CDKN2B-AS1: variants seen among roughly 807,000 people sequenced by gnomAD.
The protein encoded by CDKN2B-AS1 is CDKN2B and CDKN2A antisense cis and trans regulatory RNA 1.
At position 21,997,118 on chromosome 9, in the gene CDKN2B-AS1, G is replaced by A. The variant is rs1304499524; in HGVS notation, n.29+1957G>A. ...GCAAACATCATATACAAACCTAGGT[G>A]GTATAGTCTATTATACATCTAGGCT... On this transcript the variant is annotated intron_variant and non_coding_transcript_variant, in intron 1 of 4. Transcript: ENST00000650946. The surrounding 1 kb of genome is among the most constrained non-coding windows in gnomAD (Gnocchi z 4.8). Among the ~76,000 whole-genome samples, 2 of 151,548 alleles carry A rather than the reference G, an allele frequency of 1.3e-5. No individual in the cohort carries two copies. Among genetic ancestry groups the A allele is most frequent in the Non-Finnish European group, 3.0e-5 (2 of 67,716 alleles).
chr9:22,012,424 C>T (rs1357974693), intron 1 of CDKN2B-AS1: 3 of 741,382 alleles, frequency 4.0e-6, no homozygotes, highest in Non-Finnish European at 7.4e-6. Context: ...AGAAATACAG[C>T]TGAAACAAGA....
At chr9:22,015,145 A>T (rs1025608106) in intron 1 of CDKN2B-AS1, among the ~76,000 whole-genome samples, 4 of 152,136 alleles carry the variant, frequency 2.6e-5, no homozygotes, top group African/African-American at 9.7e-5. Flanking sequence ...TGGCTGGGTC[A>T]AATGGTATTT....
rs1310085847 is a variant in CDKN2B-AS1 at position 21,999,071 on chromosome 9, C to A, written n.29+3910C>A. Among the ~76,000 whole-genome samples, 2 of 151,858 alleles carry A rather than the reference C, an allele frequency of 1.3e-5. No homozygotes were observed. Among genetic ancestry groups the A allele is most frequent in the Admixed American group, 6.6e-5 (1 of 15,232 alleles). On this transcript the variant is annotated intron_variant and non_coding_transcript_variant, in intron 1 of 4. Coordinates refer to ENST00000650946, the Ensembl canonical transcript of CDKN2B-AS1. This position sits in a 1 kb window ranked among gnomAD's most constrained non-coding sequence, Gnocchi z 4.7. ...ACTCATTAATAAATGTAAACAGAAA[C>A]AATGGCATATAACCACAAGTGTGGC...
intron 4 of CDKN2B-AS1, among the ~76,000 whole-genome samples, chr9:22,062,327 A>G (rs1823854978): frequency 2.0e-5 from 3 of 152,240 alleles, no homozygotes; most frequent in Non-Finnish European, 4.4e-5. Context: ...ACAATTGAAG[A>G]TACTACATTC....
At chr9:22,024,751 G>A (rs1467526219) in intron 1 of CDKN2B-AS1, among the ~76,000 whole-genome samples, 1 of 152,206 alleles carries the variant, frequency 6.6e-6, no homozygotes, top group Non-Finnish European at 1.5e-5. Context: ...GCAAAGTGAT[G>A]TGGGGAGTTG....
In CDKN2B-AS1 at chr9:22,122,001, C is replaced by T. The variant is rs185262821; in HGVS notation, n.439-5102C>T. Among the ~76,000 whole-genome samples the T allele has an allele frequency of 1.5e-3, 228 of 151,904 alleles. 3 individuals are homozygous for T. The highest frequency in any genetic ancestry group is 6.9e-3 in the Middle Eastern group (2 of 290). On this transcript the variant is annotated intron_variant and non_coding_transcript_variant, in intron 4 of 4. Transcript: ENST00000650946. Reference sequence around the variant, plus strand: ...CCTCCATAGTGGTTGTACTAGTTTACGTTCCCACCAACAGTGTATAAGAAT... The same window carrying T: ...CCTCCATAGTGGTTGTACTAGTTTATGTTCCCACCAACAGTGTATAAGAAT...
At chr9:22,100,489 C>G (rs544141662) in intron 4 of CDKN2B-AS1, among the ~76,000 whole-genome samples, 21 of 152,214 alleles carry the variant, frequency 1.4e-4, no homozygotes, top group South Asian at 6.2e-4. Context: ...CAGTATGATA[C>G]TTCATTCCTT....
intron 1 of CDKN2B-AS1, among the ~76,000 whole-genome samples, chr9:22,027,274 T>C (rs1349287430): frequency 6.6e-6 from 1 of 152,190 alleles, no homozygotes; most frequent in Non-Finnish European, 1.5e-5. Context: ...ATTTACATTG[T>C]TAAGCTGTTT....
At chr9:22,048,159 T>C (rs906983665) in intron 2 of CDKN2B-AS1, among the ~76,000 whole-genome samples, 1 of 152,152 alleles carries the variant, frequency 6.6e-6, no homozygotes, top group Non-Finnish European at 1.5e-5. Flanking sequence ...ATTTTAGAGC[T>C]GGATTTCAAC....
intron 4 of CDKN2B-AS1, chr9:22,120,082 G>T (rs1218434989): frequency 6.6e-6 from 1 of 152,168 alleles, no homozygotes; most frequent in African/African-American, 2.4e-5. Flanking sequence ...TTCCACTTAG[G>T]TTGTTGTGAA....
intron 1 of CDKN2B-AS1, chr9:22,009,297 T>A: frequency 2.2e-6 from 1 of 451,166 alleles, no homozygotes; most frequent in Non-Finnish European, 4.0e-6. Flanking sequence ...CGCCTCGCTC[T>A]GGCAGAGTGG....
chr9:22,071,060 A>G (rs946649337), intron 4 of CDKN2B-AS1, among the ~76,000 whole-genome samples: 4 of 151,934 alleles, frequency 2.6e-5, no homozygotes, highest in African/African-American at 4.8e-5. Flanking sequence ...TGAAACGTCT[A>G]TTTCTGTACT....
intron 4 of CDKN2B-AS1, among the ~76,000 whole-genome samples, chr9:22,069,333 T>C (rs1824193869): frequency 1.9e-5 from 2 of 106,248 alleles, no homozygotes; most frequent in African/African-American, 4.8e-5. Flanking sequence ...ATTCACAAAG[T>C]ACATAGAAAT....
chr9:22,040,905 G>A (rs554643218), intron 1 of CDKN2B-AS1, among the ~76,000 whole-genome samples: 1 of 151,984 alleles, frequency 6.6e-6, no homozygotes, highest in Non-Finnish European at 1.5e-5. Context: ...GACTTCCCAG[G>A]CCACACAGTA....
chr9:22,062,973 A>G (rs917233559), intron 4 of CDKN2B-AS1, among the ~76,000 whole-genome samples: 1 of 75,604 alleles, frequency 1.3e-5, no homozygotes, highest in Non-Finnish European at 2.1e-5. Context: ...TGTGTGAAAG[A>G]CAGACACACA....
chr9:22,112,890 C>T (rs1309789425), intron 4 of CDKN2B-AS1, among the ~76,000 whole-genome samples: 1 of 152,030 alleles, frequency 6.6e-6, no homozygotes, highest in African/African-American at 2.4e-5. Flanking sequence ...ATAAATTGTG[C>T]TAAGAAAGCT....
intron 4 of CDKN2B-AS1, among the ~76,000 whole-genome samples, chr9:22,084,317 A>G (rs1032743580): frequency 3.3e-5 from 5 of 152,232 alleles, no homozygotes; most frequent in African/African-American, 1.2e-4. Flanking sequence ...CCTTCGTAAA[A>G]GAAGCAATAT....
chr9:22,103,369 G>T (rs1231533172), intron 4 of CDKN2B-AS1, among the ~76,000 whole-genome samples: 2 of 152,126 alleles, frequency 1.3e-5, no homozygotes, highest in African/African-American at 2.4e-5. Flanking sequence ...CAGCCAGGAG[G>T]TTGGTCAGAG....
At chr9:22,093,827 T>C (rs1171063686) in intron 4 of CDKN2B-AS1, among the ~76,000 whole-genome samples, 1 of 144,370 alleles carries the variant, frequency 6.9e-6, no homozygotes, top group Non-Finnish European at 1.5e-5. Flanking sequence ...CATTTAAGGT[T>C]AATATGTTAT....
Sources: gnomAD v4.1 joint callset for allele counts (sites outside exome capture counted in the v4.1 genomes callset) on GRCh38, gnomAD v4.1.1 for gene constraint, Gnocchi (gnomAD v3.1) non-coding constraint, MANE v1.5 for transcripts, NCBI Gene and HGNC (gene_info 2026-07-23, HGNC 2026-07-21) for gene names.